Variants in CDK14 observed in about 807,000 individuals in gnomAD.
The protein encoded by CDK14 is cyclin dependent kinase 14, also known as cyclin-dependent kinase 14.
Under a neutral mutation model 60.7 loss-of-function variants are expected in CDK14, and 34 were observed. The ratio of observed to expected loss-of-function variants is 0.56; its 90% CI spans 0.43 to 0.75. The LOEUF is 0.75. CDK14 is among the 30% of genes least tolerant of loss of function. The pLI is 0.00. For missense variants in CDK14, 482 were observed against 564.1 expected (o/e 0.85, Z 1.47); for synonymous variants, 197 against 203.7 (o/e 0.97, Z 0.28).
chr7:90,746,088 A>T (rs1196264208), intron 3 of CDK14, among the ~76,000 whole-genome samples: 1 of 152,140 alleles, frequency 6.6e-6, no homozygotes, highest in Non-Finnish European at 1.5e-5. Flanking sequence ...GATTAGTCTC[A>T]TGTTCACCTA....
In CDK14 at chr7:90,865,206, T is replaced by C. The variant is rs41509245; in HGVS notation, c.639+1937T>C. On this transcript the variant is annotated intron_variant, in intron 6 of 14. Coordinates refer to ENST00000380050, the MANE Select transcript of CDK14 (RefSeq NM_001287135.2). ...TGCATTTTTAGTAAAAGATGTTTAG[T>C]TGAATTCCTGAAATCAGCCTTTGGT... Among the ~76,000 whole-genome samples, 1,396 of 152,298 alleles carry C rather than the reference T, an allele frequency of 9.2e-3. 30 individuals are homozygous for C. The highest frequency in any genetic ancestry group is 0.032 in the African/African-American group (1,310 of 41,570).
At chr7:91,137,310 A>G (rs1800308701) in intron 14 of CDK14, among the ~76,000 whole-genome samples, 2 of 152,132 alleles carry the variant, frequency 1.3e-5, no homozygotes, top group Non-Finnish European at 2.9e-5. Context: ...CTTGTCAAGC[A>G]CAGTGCTGTG....
intron 10 of CDK14, among the ~76,000 whole-genome samples, chr7:91,036,732 T>C (rs995882927): frequency 6.6e-6 from 1 of 152,216 alleles, no homozygotes; most frequent in Non-Finnish European, 1.5e-5. Context: ...ATAATAAATA[T>C]AACATATATA....
intron 13 of CDK14, 62 bp downstream of exon 13, chr7:91,112,743 G>A: frequency 6.4e-7 from 1 of 1,554,408 alleles, no homozygotes; most frequent in Non-Finnish European, 8.8e-7. Context: ...TTTGGCATCT[G>A]TATGTAACGT....
intron 14 of CDK14, 74 bp downstream of exon 14, chr7:91,118,282 G>T: frequency 1.4e-6 from 1 of 700,962 alleles, no homozygotes; most frequent in South Asian, 1.9e-5. Context: ...AAATATTTCA[G>T]ACTCGTTTTT....
chr7:90,819,858 G>A (rs1314015844), intron 5 of CDK14, among the ~76,000 whole-genome samples: 8 of 152,088 alleles, frequency 5.3e-5, no homozygotes, highest in Non-Finnish European at 1.2e-4. Flanking sequence ...TTCAAGCATA[G>A]GAATTAATCT....
chr7:90,803,776 G>A (rs1484725321), intron 5 of CDK14, among the ~76,000 whole-genome samples: 1 of 152,144 alleles, frequency 6.6e-6, no homozygotes, highest in Non-Finnish European at 1.5e-5. Flanking sequence ...GAGGAAGGTT[G>A]ATGTTACCAT....
chr7:90,919,603 T>C (rs1363337386), intron 8 of CDK14, among the ~76,000 whole-genome samples: 2 of 152,206 alleles, frequency 1.3e-5, no homozygotes, highest in African/African-American at 2.4e-5. Flanking sequence ...TTTCTCTCAT[T>C]CCTTGCTTCA....
At chr7:90,898,213 G>T (rs1328562318) in intron 6 of CDK14, among the ~76,000 whole-genome samples, 1 of 151,936 alleles carries the variant, frequency 6.6e-6, no homozygotes, top group Admixed American at 6.6e-5. Context: ...GGCATGTCTG[G>T]TTTTTTTCCA....
chr7:90,804,617 T>C (rs941841037), intron 5 of CDK14, among the ~76,000 whole-genome samples: 1 of 152,132 alleles, frequency 6.6e-6, no homozygotes, highest in Non-Finnish European at 1.5e-5. Context: ...CCAACTGATA[T>C]CAACAAAAAC....
intron 5 of CDK14, among the ~76,000 whole-genome samples, chr7:90,839,094 C>T (rs1186333629): frequency 7.9e-5 from 12 of 152,258 alleles, no homozygotes; most frequent in Admixed American, 2.0e-4. Flanking sequence ...TTTCTCAGAC[C>T]GGCTGACACT....
At chr7:90,963,691 T>C (rs1164873057) in intron 9 of CDK14, among the ~76,000 whole-genome samples, 1 of 149,884 alleles carries the variant, frequency 6.7e-6, no homozygotes, top group Non-Finnish European at 1.5e-5. Flanking sequence ...TTTTTTTTTT[T>C]TCTTTTTTCT....
At chr7:90,892,881 C>G (rs749035033) in intron 6 of CDK14, among the ~76,000 whole-genome samples, 1 of 152,176 alleles carries the variant, frequency 6.6e-6, no homozygotes, top group African/African-American at 2.4e-5. Flanking sequence ...TGGGTTCAAG[C>G]AGTTCTCCTG....
chr7:90,870,035 A>G (rs1246634269), intron 6 of CDK14, among the ~76,000 whole-genome samples: 7 of 152,204 alleles, frequency 4.6e-5, no homozygotes, highest in Admixed American at 3.9e-4. Context: ...CAGGACCATA[A>G]GAAAGTGAGT....
Position 90,740,553 on chromosome 7 carries a change from G to T in CDK14, c.370-7128G>T, listed in dbSNP as rs148574772. On this transcript the variant is annotated intron_variant, in intron 3 of 14. Transcript: ENST00000380050. The stretch of plus-strand genomic sequence containing the variant: ...CCATGTGAGGACACAAGAGAAGGTG[G>T]CCATCTGCAAGCCAACGTGAGAGGA... 9.2e-3 allele frequency among the ~76,000 whole-genome samples: 1,404 copies of T among 152,212 alleles called. 23 individuals are homozygous for T. The highest frequency in any genetic ancestry group is 0.031 in the African/African-American group (1,279 of 41,512).
At chr7:90,869,917 A>G (rs1345813835) in intron 6 of CDK14, among the ~76,000 whole-genome samples, 1 of 152,208 alleles carries the variant, frequency 6.6e-6, no homozygotes, top group Non-Finnish European at 1.5e-5. Flanking sequence ...CAAAATGGGA[A>G]CATCCTACAT....
At chr7:90,948,687 C>G (rs1463486966) in intron 8 of CDK14, among the ~76,000 whole-genome samples, 1 of 152,192 alleles carries the variant, frequency 6.6e-6, no homozygotes, top group Non-Finnish European at 1.5e-5. Context: ...CTGTTTTCCA[C>G]CAAAATTTAA....
intron 6 of CDK14, among the ~76,000 whole-genome samples, chr7:90,888,350 AAAT>A (rs996241487): frequency 8.3e-4 from 126 of 152,114 alleles, no homozygotes; most frequent in African/African-American, 2.8e-3. Flanking sequence ...CTCCATCTAA[AAAT>A]AATAATAATA....
intron 8 of CDK14, among the ~76,000 whole-genome samples, chr7:90,939,687 G>T (rs1337306688): frequency 4.6e-5 from 7 of 152,146 alleles, no homozygotes; most frequent in African/African-American, 1.7e-4. Context: ...TCTATTACAG[G>T]ATTTATTCTG....
Sources: gnomAD v4.1 joint callset for allele counts (sites outside exome capture counted in the v4.1 genomes callset) on GRCh38, gnomAD v4.1.1 for gene constraint, MANE v1.5 for transcripts, NCBI Gene and HGNC (gene_info 2026-07-23, HGNC 2026-07-21) for gene names.